The following EHBP1 variants were observed in gnomAD, a reference collection of about 807,000 sequenced individuals.
EHBP1 encodes the protein EH domain-binding protein 1.
EHBP1 carries 55 observed loss-of-function variants against 144.0 expected under a neutral mutation model. That is an observed-to-expected ratio of 0.38 (90% CI 0.31 to 0.48). EHBP1 has a LOEUF of 0.48. EHBP1 is among the 20% of genes least tolerant of loss of function. The pLI, the probability that EHBP1 is intolerant of heterozygous loss-of-function variation, is 0.98. For synonymous variants in EHBP1, 469 were observed against 472.7 expected, an observed-to-expected ratio of 0.99 and a Z score of 0.10; for missense variants, 1,200 against 1,364.2, an observed-to-expected ratio of 0.88 and a Z score of 1.90.
At chr2:62,749,400 G>C (rs1308942394) in intron 3 of EHBP1, among the ~76,000 whole-genome samples, 2 of 152,152 alleles carry the variant, frequency 1.3e-5, no homozygotes, top group African/African-American at 2.4e-5. Flanking sequence ...GGACATTTGG[G>C]TTGGTTCCAA....
At chr2:62,930,938 G>C (rs1358414546) in intron 10 of EHBP1, among the ~76,000 whole-genome samples, 1 of 152,074 alleles carries the variant, frequency 6.6e-6, no homozygotes. Context: ...ATAAAACATA[G>C]GGCAAAAACA....
intron 3 of EHBP1, among the ~76,000 whole-genome samples, chr2:62,755,721 A>G (rs1012973603): frequency 6.6e-6 from 1 of 152,254 alleles, no homozygotes; most frequent in Non-Finnish European, 1.5e-5. Flanking sequence ...AAAAAGAAAC[A>G]TAACATTTGT....
chr2:62,852,965 A>G (rs563521169), intron 7 of EHBP1, among the ~76,000 whole-genome samples: 9 of 152,300 alleles, frequency 5.9e-5, no homozygotes, highest in African/African-American at 1.2e-4. Flanking sequence ...AAAAAGTTCA[A>G]TTGGTATTAA....
At chr2:62,950,738 T>C (rs2153096480) in intron 13 of EHBP1, among the ~76,000 whole-genome samples, 1 of 152,156 alleles carries the variant, frequency 6.6e-6, no homozygotes, top group East Asian at 1.9e-4. Context: ...CAGGCTGGAG[T>C]GCAATGGTGC....
intron 9 of EHBP1, among the ~76,000 whole-genome samples, chr2:62,867,022 A>G (rs920669199): frequency 3.9e-5 from 6 of 152,106 alleles, no homozygotes; most frequent in African/African-American, 1.4e-4. Flanking sequence ...ATAATTTTCT[A>G]TTCCCAGCAC....
chr2:62,907,095 A>C (rs1163296796), intron 10 of EHBP1, among the ~76,000 whole-genome samples: 2 of 152,212 alleles, frequency 1.3e-5, no homozygotes, highest in African/African-American at 4.8e-5. Flanking sequence ...AAAATGCTGC[A>C]AACATTTGTG....
intron 7 of EHBP1, among the ~76,000 whole-genome samples, chr2:62,847,223 T>C (rs1039413942): frequency 6.6e-6 from 1 of 152,202 alleles, no homozygotes; most frequent in African/African-American, 2.4e-5. Flanking sequence ...AAAAGGTCTT[T>C]TCAATAAATG....
chr2:62,929,204 G>A (rs1045072841), intron 10 of EHBP1, among the ~76,000 whole-genome samples: 6 of 152,110 alleles, frequency 3.9e-5, no homozygotes, highest in African/African-American at 1.4e-4. Flanking sequence ...CAAAACATTG[G>A]AGAGGGAATA....
chr2:63,020,559 A>G (rs555189331), intron 19 of EHBP1, among the ~76,000 whole-genome samples: 18 of 151,996 alleles, frequency 1.2e-4, no homozygotes, highest in Non-Finnish European at 2.1e-4. Context: ...TACCTACTTC[A>G]GAAAGTTATG....
intron 1 of EHBP1, among the ~76,000 whole-genome samples, chr2:62,682,260 A>T (rs947601942): frequency 3.9e-5 from 6 of 152,212 alleles, no homozygotes; most frequent in African/African-American, 1.4e-4. Context: ...GGTGTGTTAT[A>T]AAAAGTGATA....
chr2:62,729,407 T>TA (rs2152000030), intron 2 of EHBP1, among the ~76,000 whole-genome samples: 1 of 112,816 alleles, frequency 8.9e-6, no homozygotes, highest in Admixed American at 1.2e-4. Flanking sequence ...ATATAATAAA[T>TA]ATAATAATAA....
intron 15 of EHBP1, among the ~76,000 whole-genome samples, chr2:62,981,269 A>T (rs1173744623): frequency 4.6e-5 from 7 of 152,106 alleles, no homozygotes; most frequent in African/African-American, 1.7e-4. Context: ...TGCTTCTTTT[A>T]TCGTAAAAAT....
intron 10 of EHBP1, among the ~76,000 whole-genome samples, chr2:62,906,763 T>C (rs1314755124): frequency 6.6e-6 from 1 of 152,224 alleles, no homozygotes; most frequent in Admixed American, 6.5e-5. Flanking sequence ...CAAGGATACC[T>C]GGAGTTGCCC....
intron 19 of EHBP1, 34 bp from the exon 20 acceptor site, chr2:63,037,501 C>T (rs373481190): frequency 8.3e-6 from 12 of 1,446,564 alleles, no homozygotes; most frequent in South Asian, 1.2e-5. Flanking sequence ...GTTTTAACAT[C>T]GTATAGTAAA....
chr2:62,923,264 T>C (rs1308215802), intron 10 of EHBP1, among the ~76,000 whole-genome samples: 1 of 152,162 alleles, frequency 6.6e-6, no homozygotes, highest in Admixed American at 6.5e-5. Context: ...CAACTCTCAC[T>C]ACCCTCACTT....
chr2:62,995,250 A>T (rs777440521), intron 18 of EHBP1, among the ~76,000 whole-genome samples: 1 of 152,014 alleles, frequency 6.6e-6, no homozygotes, highest in South Asian at 2.1e-4. Context: ...TAAATTTTTT[A>T]AAAATACAGT....
At chr2:62,684,176 A>G (rs2033637639) in intron 1 of EHBP1, among the ~76,000 whole-genome samples, 1 of 152,222 alleles carries the variant, frequency 6.6e-6, no homozygotes, top group Admixed American at 6.5e-5. Flanking sequence ...TGTATCATTG[A>G]GAAAGAAGCC....
rs2034229601 is a variant in EHBP1, at chr2:62,700,049, G to GT, written c.-295-6847dup. On this transcript the variant is annotated intron_variant, in intron 1 of 22. Coordinates refer to the EHBP1 transcript ENST00000405015. ...ACTAACTTCAAATATTCGTTCATGGGTAACTGCAACAGAAACAATTTCACC... is the reference window on the plus strand; with the variant it reads ...ACTAACTTCAAATATTCGTTCATGGGTTAACTGCAACAGAAACAATTTCACC... Among the ~76,000 whole-genome samples the GT allele has an allele frequency of 6.6e-5, 10 of 152,204 alleles. No individual in the cohort carries two copies. The South Asian group carries it at 2.1e-3, about 32-fold the overall frequency.
chr2:62,681,340 G>GTGTATATATATA (rs1171760462), intron 1 of EHBP1, among the ~76,000 whole-genome samples: 9 of 58,552 alleles, frequency 1.5e-4, no homozygotes, highest in African/African-American at 6.9e-4. Flanking sequence ...ATGTGTGTGT[G>GTGTATATATATA]TATATATATA....
Sources: gnomAD v4.1 joint callset for allele counts (sites outside exome capture counted in the v4.1 genomes callset) on GRCh38, gnomAD v4.1.1 for gene constraint, MANE v1.5 for transcripts, NCBI Gene and HGNC (gene_info 2026-07-23, HGNC 2026-07-21) for gene names.